The following CCDC22 variants were observed in gnomAD, a reference collection of about 807,000 sequenced individuals.
CCDC22 encodes CCC complex scaffolding subunit CCDC22, also known as coiled-coil domain-containing protein 22.
A neutral mutation model predicts 53.1 loss-of-function variants in CCDC22; 4 were observed. The ratio of observed to expected loss-of-function variants is 0.08; its 90% CI spans 0.04 to 0.17. The LOEUF is 0.17. Ranked by LOEUF, CCDC22 falls within the 10% of genes least tolerant of loss-of-function variation. The probability of loss-of-function intolerance (pLI) is 1.00; values close to 1 mark genes in which losing one functional copy is unlikely to be tolerated. For synonymous variants in CCDC22, 222 were observed against 224.4 expected (o/e 0.99, Z 0.10); for missense variants, 458 against 554.0 (o/e 0.83, Z 1.74).
chrX:49,240,096 A>G (rs1046600084), intron 2 of CCDC22, among the ~76,000 whole-genome samples: 6 of 105,946 alleles, frequency 5.7e-5, no homozygotes, highest in Non-Finnish European at 1.2e-4. Flanking sequence ...ACAAAAAATA[A>G]AAAAAAAATA....
intron 2 of CCDC22, 97 bp from the exon 3 acceptor site, chrX:49,241,919 G>A: frequency 2.0e-6 from 2 of 1,001,082 alleles, no homozygotes; most frequent in South Asian, 2.0e-5. Flanking sequence ...GGAGGGTGGT[G>A]GTTAGTGAGA....
chrX:49,241,721 AT>A (rs1292147780), intron 2 of CCDC22, among the ~76,000 whole-genome samples: 10 of 109,976 alleles, frequency 9.1e-5, no homozygotes, highest in Non-Finnish European at 1.9e-4. Context: ...TGCTTATTCT[AT>A]TTTCTTTAAA....
rs1057523379 is a variant in CCDC22, at chrX:49,247,491, C to T, written c.910-5C>T. The T allele has an allele frequency of 5.0e-6, 6 of 1,190,463 alleles. No homozygotes were observed. Among genetic ancestry groups the T allele is most frequent in the Non-Finnish European group, 6.8e-6 (6 of 885,705 alleles). Reference sequence around the variant, plus strand: ...AGCCAGGATGCCCCTCGTCACTCCCCTTAGGAGCCCCAGGCCCAGGCCACT... The same window carrying T: ...AGCCAGGATGCCCCTCGTCACTCCCTTTAGGAGCCCCAGGCCCAGGCCACT... On this transcript the variant is annotated splice_polypyrimidine_tract_variant and splice_region_variant and intron_variant, in intron 7 of 16. Coordinates refer to ENST00000376227, the MANE Select transcript of CCDC22 (RefSeq NM_014008.5).
chrX:49,247,693 G>A lies in CCDC22; in HGVS notation c.1017G>A (p.Glu339=). 2.5e-6 allele frequency: 3 copies of A among 1,206,040 alleles called. No individual in the cohort carries two copies. Among genetic ancestry groups the A allele is most frequent in the Non-Finnish European group, 3.4e-6 (3 of 892,461 alleles). The part of the protein sequence containing the change: ...AQEQELESLR[E]QLEGVNRSIE... ...AACAGGAGCTCGAGTCCCTTCGGGA[G>A]CAGCTGGAAGGAGTGAACCGCAGCA... The change falls in exon 9 of 17, where the codon GAG becomes GAA. Residue 339 remains glutamate, a synonymous_variant. Coordinates refer to ENST00000376227, the MANE Select transcript of CCDC22 (RefSeq NM_014008.5).
intron 9 of CCDC22, 138 bp downstream of exon 9, chrX:49,247,906 G>A: frequency 1.1e-6 from 1 of 872,677 alleles, no homozygotes; most frequent in Non-Finnish European, 1.6e-6. Flanking sequence ...TTAGGGATCT[G>A]TGGGCCTCTT....
At chrX:49,248,152 A>G (rs369279872) in intron 9 of CCDC22, 39 bp from the exon 10 acceptor site, 20 of 1,196,534 alleles carry the variant, frequency 1.7e-5, no homozygotes, top group Non-Finnish European at 1.9e-5. Flanking sequence ...GTGGAGCTCC[A>G]TGGGGGCTGT....
chrX:49,249,280 C>A lies in CCDC22; in HGVS notation c.1635+18C>A, dbSNP rs782351559. On this transcript the variant is annotated intron_variant, in intron 14 of 16. Transcript: ENST00000376227. ...TGTTCAAGGTGTGGGGCAGGTTGGGCGGGGGTGAGTGGGGTGAGGCTGGGC... is the reference window on the plus strand; with the variant it reads ...TGTTCAAGGTGTGGGGCAGGTTGGGAGGGGGTGAGTGGGGTGAGGCTGGGC... The A allele has an allele frequency of 4.6e-6, 4 of 872,086 alleles. No individual in the cohort carries two copies. The highest frequency in any genetic ancestry group is 6.7e-6 in the Non-Finnish European group (4 of 593,597). The allele number at this position is 872,086 out of a possible 1,213,427, so 71.9% of individuals were successfully genotyped here.
Position 49,243,137 on chromosome X carries a change from C to T in CCDC22, c.488C>T (p.Pro163Leu), listed in dbSNP as rs2147937942. Reference sequence around the variant, plus strand: ...CACCAGGGCTCGGCCCTCCAGAAGCCTTTCCATGCCAGCAGGCTGGTCGTG... The same window carrying T: ...CACCAGGGCTCGGCCCTCCAGAAGCTTTTCCATGCCAGCAGGCTGGTCGTG... ...QHLQGSALQKPFHASRLVVPE... is the reference protein window; with the variant it reads ...QHLQGSALQKLFHASRLVVPE... Residue 163 changes from proline to leucine, a missense_variant, in exon 5 of 17, where the codon CCT (proline) becomes CTT (leucine). Around this residue, in one of 4 missense-constraint regions of CCDC22, gnomAD observed 309 missense variants for 312.3 expected, o/e 0.99. Coordinates refer to ENST00000376227, the MANE Select transcript of CCDC22 (RefSeq NM_014008.5). The T allele has an allele frequency of 8.3e-7, 1 of 1,211,756 alleles. No homozygotes were observed. Among genetic ancestry groups the T allele is most frequent in the Non-Finnish European group, 1.1e-6 (1 of 895,289 alleles).
intron 2 of CCDC22, among the ~76,000 whole-genome samples, chrX:49,237,809 G>C (rs1389561517): frequency 9.6e-6 from 1 of 104,038 alleles, no homozygotes; most frequent in Admixed American, 1.0e-4. Context: ...GCCCAAGCTG[G>C]AGTGCAGTGG....
At chrX:49,240,536 A>G (rs1795821390) in intron 2 of CCDC22, among the ~76,000 whole-genome samples, 1 of 111,935 alleles carries the variant, frequency 8.9e-6, no homozygotes, top group African/African-American at 3.3e-5. Flanking sequence ...CCTGAGCGAC[A>G]GAGCAAGACT....
rs1194402135 is a variant in CCDC22, at chrX:49,248,206, C to T, written c.1108C>T (p.Arg370Trp). ...CACCGGCCAGGCAGAGTCTGAGTGC[C>T]GGCACAGCAAGCTCAGTACAGCAGA... ...VSFVQAESEC[R>W]HSKLSTAERE... The change falls in exon 10 of 17, where the codon CGG becomes TGG. Residue 370 changes from arginine (R) to tryptophan (W), a missense_variant. Transcript: ENST00000376227. 3.3e-5 allele frequency: 40 copies of T among 1,201,442 alleles called. No individual in the cohort carries two copies. The highest frequency in any genetic ancestry group is 4.4e-5 in the Non-Finnish European group (39 of 894,908).
intron 1 of CCDC22, among the ~76,000 whole-genome samples, 191 bp downstream of exon 1, chrX:49,235,877 C>G (rs781798474): frequency 4.6e-4 from 42 of 92,223 alleles, no homozygotes; most frequent in African/African-American, 1.7e-3. Context: ...ACACACACAC[C>G]GCCCTCCCTG....
chrX:49,238,332 G>A (rs2065948155), intron 2 of CCDC22, among the ~76,000 whole-genome samples: 1 of 110,723 alleles, frequency 9.0e-6, no homozygotes, highest in Non-Finnish European at 1.9e-5. Flanking sequence ...GCCCACCTCG[G>A]CCTCCCAAAG....
intron 7 of CCDC22, 90 bp downstream of exon 7, chrX:49,247,015 C>A: frequency 1.2e-6 from 1 of 809,234 alleles, no homozygotes; most frequent in Non-Finnish European, 1.8e-6. Context: ...TTTATCCACA[C>A]AGGTTCCTGT....
At position 49,239,347 on chromosome X, in the gene CCDC22, G is replaced by A. The variant is rs782649436; in HGVS notation, c.228+2084G>A. 1.2e-4 allele frequency: 45 copies of A among 364,287 alleles called. No individual in the cohort carries two copies. In the South Asian group the frequency reaches 5.1e-3, roughly 42 times the overall value. 30.0% of individuals were successfully genotyped at this position (364,287 alleles called of 1,213,427 possible). A position where few individuals can be genotyped will look rare whatever the true frequency, so the allele number is the denominator to read the frequency against. ...GTATAAGAATTGTAGCTACTGTATA[G>A]GGTTGCTGTGAGGATTAAACATGAG... On this transcript the variant is annotated intron_variant, in intron 2 of 16. Coordinates refer to ENST00000376227, the MANE Select transcript of CCDC22 (RefSeq NM_014008.5).
chrX:49,238,540 A>G (rs1374966726), intron 2 of CCDC22, among the ~76,000 whole-genome samples: 6 of 112,750 alleles, frequency 5.3e-5, no homozygotes, highest in Non-Finnish European at 9.4e-5. Context: ...GCTAAGAGCA[A>G]TTCCAACAAT....
At chrX:49,235,857 A>ACG (rs1569529085) in intron 1 of CCDC22, among the ~76,000 whole-genome samples, 171 bp downstream of exon 1, 30 of 103,849 alleles carry the variant, frequency 2.9e-4, no homozygotes, top group Non-Finnish European at 4.6e-4. Flanking sequence ...ACACACACAC[A>ACG]CACACACGCA....
Position 49,235,700 on chromosome X carries a change from C to T in CCDC22, c.50+14C>T, listed in dbSNP as rs1557112551. 6 of 1,164,743 alleles carry T rather than the reference C, an allele frequency of 5.2e-6. No homozygotes were observed. The highest frequency in any genetic ancestry group is 6.9e-6 in the Non-Finnish European group (6 of 868,478). On this transcript the variant is annotated intron_variant, in intron 1 of 16. Transcript: ENST00000376227. ...CCAGGCCGGCACGTAAGGACAGAGC[C>T]CCCGCCCACCCCCGAAGCCCACATC...
chrX:49,240,394 A>T (rs782556029), intron 2 of CCDC22, among the ~76,000 whole-genome samples: 35 of 110,810 alleles, frequency 3.2e-4, no homozygotes, highest in African/African-American at 1.1e-3. Context: ...TCTCTACTAA[A>T]AATACAAAAA....
Sources: allele counts gnomAD v4.1 joint callset (sites outside exome capture counted in the v4.1 genomes callset), GRCh38; gene constraint gnomAD v4.1.1; regional missense constraint gnomAD v4.1.1; transcripts MANE v1.5; gene names NCBI Gene and HGNC (gene_info 2026-07-23, HGNC 2026-07-21).